The following GSTCD variants were observed in gnomAD, a reference collection of about 807,000 sequenced individuals.
GSTCD encodes the protein glutathione S-transferase C-terminal domain containing, also known as glutathione S-transferase C-terminal domain-containing protein.
In GSTCD, 44 loss-of-function variants were observed where a neutral mutation model predicts 68.3. That is an observed-to-expected ratio of 0.64 (90% CI 0.51 to 0.83). GSTCD has a LOEUF of 0.83. Ranked by LOEUF, GSTCD falls within the 40% of genes least tolerant of loss-of-function variation. GSTCD has a pLI of 0.00. For missense variants in GSTCD, 739 were observed against 735.9 expected (o/e 1.00, Z -0.05); for synonymous variants, 273 against 255.2 (o/e 1.07, Z -0.67).
chr4:105,791,492 T>G (rs957633559), intron 5 of GSTCD, among the ~76,000 whole-genome samples: 4 of 152,072 alleles, frequency 2.6e-5, no homozygotes, highest in Non-Finnish European at 4.4e-5. Flanking sequence ...GTTTTTAAAT[T>G]GCTTTGAATG....
chr4:105,828,174 C>T (rs1371043871), intron 8 of GSTCD, among the ~76,000 whole-genome samples: 2 of 152,108 alleles, frequency 1.3e-5, no homozygotes, highest in Admixed American at 1.3e-4. Context: ...ATGAAAATCT[C>T]AAAACAGTTT....
At chr4:105,756,269 T>C (rs935386349) in intron 5 of GSTCD, among the ~76,000 whole-genome samples, 1 of 152,070 alleles carries the variant, frequency 6.6e-6, no homozygotes, top group Non-Finnish European at 1.5e-5. Flanking sequence ...ATAAACATGA[T>C]TGATTATTAA....
chr4:105,796,719 C>T (rs1485953711), intron 5 of GSTCD, among the ~76,000 whole-genome samples: 1 of 152,104 alleles, frequency 6.6e-6, no homozygotes, highest in East Asian at 1.9e-4. Flanking sequence ...GGCCAGAAAA[C>T]CACAGATATG....
At chr4:105,829,750 A>G (rs1212024745) in intron 8 of GSTCD, among the ~76,000 whole-genome samples, 2 of 152,200 alleles carry the variant, frequency 1.3e-5, no homozygotes, top group Non-Finnish European at 2.9e-5. Context: ...TATCAAGACC[A>G]AAGCAACAAA....
At chr4:105,799,417 C>T (rs1736021151) in intron 5 of GSTCD, among the ~76,000 whole-genome samples, 1 of 152,088 alleles carries the variant, frequency 6.6e-6, no homozygotes, top group African/African-American at 2.4e-5. Context: ...CTTAATAGTT[C>T]TAGCCTTTGA....
chr4:105,721,971 T>C (rs2149207220), intron 3 of GSTCD, among the ~76,000 whole-genome samples: 1 of 152,324 alleles, frequency 6.6e-6, no homozygotes, highest in African/African-American at 2.4e-5. Context: ...AATCCTACTG[T>C]TCCAATACTA....
chr4:105,719,983 A>G (rs1291994186), intron 3 of GSTCD, among the ~76,000 whole-genome samples: 1 of 152,070 alleles, frequency 6.6e-6, no homozygotes, highest in African/African-American at 2.4e-5. Flanking sequence ...TAAATTTTAT[A>G]ATGAATTGTT....
rs557135263 is a variant in GSTCD at position 105,742,086 on chromosome 4, C to T, written c.1240+12587C>T. On this transcript the variant is annotated intron_variant, in intron 5 of 11. Coordinates refer to ENST00000515279, the MANE Select transcript of GSTCD (RefSeq NM_001370181.1). Reference sequence around the variant, plus strand: ...CATTTGGATGTCTCAACGACTGACTCTTTATGCTGAATTCATTTAATTACA... The same window carrying T: ...CATTTGGATGTCTCAACGACTGACTTTTTATGCTGAATTCATTTAATTACA... Among the ~76,000 whole-genome samples the T allele has an allele frequency of 7.9e-5, 12 of 152,206 alleles. No individual in the cohort carries two copies. In the South Asian group the frequency reaches 2.5e-3, roughly 32 times the overall value.
chr4:105,754,872 G>C (rs902660905), intron 5 of GSTCD, among the ~76,000 whole-genome samples: 1 of 151,650 alleles, frequency 6.6e-6, no homozygotes, highest in Non-Finnish European at 1.5e-5. Context: ...AGCAAAACAA[G>C]AAAAGGAGAG....
chr4:105,777,809 T>C (rs754374992), intron 5 of GSTCD, among the ~76,000 whole-genome samples: 5 of 152,186 alleles, frequency 3.3e-5, no homozygotes, highest in Non-Finnish European at 5.9e-5. Flanking sequence ...ACACACTTAG[T>C]ACCATGCTTG....
chr4:105,762,572 A>C (rs2149236788), intron 5 of GSTCD, among the ~76,000 whole-genome samples: 1 of 152,286 alleles, frequency 6.6e-6, no homozygotes, highest in South Asian at 2.1e-4. Flanking sequence ...CAGATTGGTC[A>C]TGTTTGGTGG....
chr4:105,798,541 C>T (rs1735988720), intron 5 of GSTCD, among the ~76,000 whole-genome samples: 1 of 152,088 alleles, frequency 6.6e-6, no homozygotes. Flanking sequence ...CTCCTTGAAC[C>T]ATGAGCTGCA....
intron 8 of GSTCD, among the ~76,000 whole-genome samples, chr4:105,829,854 A>G (rs1723824262): frequency 6.6e-6 from 1 of 152,170 alleles, no homozygotes; most frequent in African/African-American, 2.4e-5. Flanking sequence ...GAGAACAAGA[A>G]AGGACGTCTT....
At chr4:105,718,205 T>C (rs190457540) in intron 2 of GSTCD, among the ~76,000 whole-genome samples, 166 bp downstream of exon 2, 1 of 152,350 alleles carries the variant, frequency 6.6e-6, no homozygotes, top group Admixed American at 6.5e-5. Context: ...TGAATATTTA[T>C]CCCCTCCAAA....
At chr4:105,813,698 C>T (rs1399187645) in intron 5 of GSTCD, among the ~76,000 whole-genome samples, 1 of 152,124 alleles carries the variant, frequency 6.6e-6, no homozygotes, top group African/African-American at 2.4e-5. Flanking sequence ...TCTTTTCTAC[C>T]TAAAGACTAT....
rs1732797339 is a variant in GSTCD, at chr4:105,719,535, T to C, written c.894+8T>C. ...TGTATCCATCATTTCTTGGTAAGGT[T>C]TCATCTGGACTGTACACATTACTAT... On this transcript the variant is annotated splice_region_variant and intron_variant, in intron 3 of 11. Coordinates refer to ENST00000515279, the MANE Select transcript of GSTCD (RefSeq NM_001370181.1). 1 of 1,595,114 alleles carries C rather than the reference T, an allele frequency of 6.3e-7. No individual in the cohort carries two copies. The highest frequency in any genetic ancestry group is 1.3e-5 in the African/African-American group (1 of 74,514).
intron 3 of GSTCD, among the ~76,000 whole-genome samples, chr4:105,726,101 A>G (rs1371047031): frequency 1.3e-5 from 2 of 152,194 alleles, no homozygotes; most frequent in Non-Finnish European, 2.9e-5. Context: ...AACATTATTT[A>G]TAATAACCAA....
intron 5 of GSTCD, among the ~76,000 whole-genome samples, chr4:105,734,127 C>T (rs1733361626): frequency 6.6e-6 from 1 of 152,104 alleles, no homozygotes; most frequent in Non-Finnish European, 1.5e-5. Context: ...ACATTTTTTC[C>T]TTCATTTCAA....
intron 5 of GSTCD, among the ~76,000 whole-genome samples, chr4:105,731,116 C>T (rs545157743): frequency 6.6e-6 from 1 of 152,130 alleles, no homozygotes; most frequent in Non-Finnish European, 1.5e-5. Context: ...CAGTACCATG[C>T]TGTTTTGGTT....
Sources: gnomAD v4.1 joint callset for allele counts (sites outside exome capture counted in the v4.1 genomes callset) on GRCh38, gnomAD v4.1.1 for gene constraint, MANE v1.5 for transcripts, NCBI Gene and HGNC (gene_info 2026-07-23, HGNC 2026-07-21) for gene names.